The following PKP2 variants were observed in gnomAD, a reference collection of about 807,000 sequenced individuals.
PKP2 encodes the protein plakophilin 2.
In PKP2, 73 loss-of-function variants were observed where a neutral mutation model predicts 83.4. That is an observed-to-expected ratio of 0.88 (90% CI 0.72 to 1.06). The LOEUF (loss-of-function observed/expected upper bound fraction) is 1.06, where lower values mean the gene tolerates loss of function less well. PKP2 is among the 50% of genes least tolerant of loss of function. The pLI is 0.00. For synonymous variants in PKP2, 409 were observed against 430.4 expected (o/e 0.95, Z 0.62); for missense variants, 966 against 1,065.4 (o/e 0.91, Z 1.30).
intron 2 of PKP2, 21 bp from the exon 3 acceptor site, chr12:32,878,564 G>A (rs749394972): frequency 1.3e-6 from 2 of 1,584,176 alleles, no homozygotes; most frequent in Admixed American, 1.7e-5. Context: ...GAGAAATAAA[G>A]TTTAAAGGGG....
intron 3 of PKP2, among the ~76,000 whole-genome samples, chr12:32,871,040 ACTAT>A (rs1956892103): frequency 2.6e-5 from 4 of 152,084 alleles, no homozygotes; most frequent in Non-Finnish European, 1.5e-5. Flanking sequence ...TTTCTGTTTG[ACTAT>A]CTATCAAGTC....
At position 32,878,090 on chromosome 12, in the gene PKP2, C is replaced by A; in HGVS notation, c.790G>T (p.Ala264Ser). ...CTGACCTGCCCGACAGTGAGCCCTG[C>A]CGTCAGGTAGTTCTCCTTCTCCAAG... ...NLLEKENYLT[A>S]GLTVGQVRPL... The change falls in exon 3 of 13, where the codon GCA becomes TCA. Residue 264 changes from alanine to serine, a missense_variant. By Grantham distance (99) the Ala-to-Ser change is moderately conservative. Transcript: ENST00000340811. 1.2e-6 allele frequency: 2 copies of A among 1,614,176 alleles called. No individual in the cohort carries two copies. Among genetic ancestry groups the A allele is most frequent in the Non-Finnish European group, 1.7e-6 (2 of 1,180,046 alleles).
chr12:32,875,022 T>G lies in PKP2; in HGVS notation c.1034+2824A>C, dbSNP rs531756689. ...CCTGGGCCTCCCAAAGTGCTAGGAT[T>G]ACAGATGTGAGCCACTGTGCTGGCC... On this transcript the variant is annotated intron_variant, in intron 3 of 12. Coordinates refer to ENST00000340811, the MANE Select transcript of PKP2 (RefSeq NM_001005242.3). 1.1e-3 allele frequency among the ~76,000 whole-genome samples: 160 copies of G among 152,176 alleles called. 1 individual carries two copies. Among genetic ancestry groups the G allele is most frequent in the Non-Finnish European group, 2.1e-3 (143 of 68,038 alleles).
chr12:32,842,730 G>A (rs903434187), intron 5 of PKP2, among the ~76,000 whole-genome samples: 3 of 151,328 alleles, frequency 2.0e-5, no homozygotes, highest in African/African-American at 7.3e-5. Context: ...GCTGAAGTGC[G>A]GTGGCGCAAT....
rs1956059443 is a variant in PKP2, at chr12:32,790,872, T to G, written c.*1552A>C. The G allele has an allele frequency of 6.6e-6, 1 of 152,192 alleles. No homozygotes were observed. The highest frequency in any genetic ancestry group is 2.4e-5 in the African/African-American group (1 of 41,452). The allele number at this position is 152,192 out of a possible 1,614,324, so 9.4% of individuals were successfully genotyped here. A position where few individuals can be genotyped will look rare whatever the true frequency, so the allele number is the denominator to read the frequency against. ...CTCCAAATGCTTATCATCAGAACTCTGGAAAAAGACATATAAATTCTCTCC... is the reference window on the plus strand; with the variant it reads ...CTCCAAATGCTTATCATCAGAACTCGGGAAAAAGACATATAAATTCTCTCC... On this transcript the variant is annotated 3_prime_UTR_variant, in exon 13 of 13. Coordinates refer to ENST00000340811, the MANE Select transcript of PKP2 (RefSeq NM_001005242.3).
chr12:32,835,932 A>G (rs1956542471), intron 6 of PKP2, among the ~76,000 whole-genome samples: 1 of 152,164 alleles, frequency 6.6e-6, no homozygotes, highest in South Asian at 2.1e-4. Flanking sequence ...GGCACACACC[A>G]CCATGCCTGG....
intron 6 of PKP2, among the ~76,000 whole-genome samples, chr12:32,831,708 G>C (rs1447087920): frequency 6.6e-6 from 1 of 152,186 alleles, no homozygotes; most frequent in African/African-American, 2.4e-5. Flanking sequence ...CTTTAGCAAA[G>C]AGAAGTGTTA....
At chr12:32,862,293 T>C (rs1956806214) in intron 4 of PKP2, among the ~76,000 whole-genome samples, 2 of 152,162 alleles carry the variant, frequency 1.3e-5, no homozygotes, top group Non-Finnish European at 2.9e-5. Context: ...TTTTCAGACA[T>C]ACAGAAGCTG....
At chr12:32,882,226 A>G (rs1231123624) in intron 1 of PKP2, among the ~76,000 whole-genome samples, 1 of 152,218 alleles carries the variant, frequency 6.6e-6, no homozygotes, top group Non-Finnish European at 1.5e-5. Context: ...TGAAAACTGA[A>G]TTAGGAAAGT....
Position 32,878,328 on chromosome 12 carries a change from CCTG to C in PKP2, c.549_551del (p.Ser183del), listed in dbSNP as rs1358236902. On this transcript the variant is annotated inframe_deletion, in exon 3 of 13. Coordinates refer to ENST00000340811, the MANE Select transcript of PKP2 (RefSeq NM_001005242.3). The stretch of plus-strand genomic sequence containing the variant: ...TCGGTGGCACTAGGAGGGCGGCCCG[CCTG>C]CTTTCTTGGTGGTGCAGGGTGTGCC... 3.1e-6 allele frequency: 5 copies of C among 1,612,512 alleles called. No individual in the cohort carries two copies. The African/African-American group carries it at 4.0e-5, about 13-fold the overall frequency.
At chr12:32,878,838 A>T (rs543199983) in intron 2 of PKP2, 82 bp downstream of exon 2, 1 of 849,622 alleles carries the variant, frequency 1.2e-6, no homozygotes, top group East Asian at 2.4e-5. Context: ...AAAAGTAAAC[A>T]CTCAAAAATA....
At chr12:32,848,205 C>T (rs1302594201) in intron 5 of PKP2, among the ~76,000 whole-genome samples, 1 of 152,170 alleles carries the variant, frequency 6.6e-6, no homozygotes, top group Non-Finnish European at 1.5e-5. Flanking sequence ...GGCGGATCGC[C>T]TGAGGTCAGG....
chr12:32,794,683 T>C (rs56686514), intron 11 of PKP2, among the ~76,000 whole-genome samples: 2,331 of 152,334 alleles, frequency 0.015, 54 homozygotes, highest in African/African-American at 0.053. Flanking sequence ...GGATGACTAT[T>C]TGGAAGAAAA....
chr12:32,856,048 A>AC (rs1265918766), intron 4 of PKP2, among the ~76,000 whole-genome samples: 2 of 152,074 alleles, frequency 1.3e-5, no homozygotes, highest in African/African-American at 4.8e-5. Context: ...AGAGAACAAA[A>AC]CCAAAATGAT....
intron 1 of PKP2, among the ~76,000 whole-genome samples, chr12:32,882,340 G>C (rs1956993980): frequency 6.6e-6 from 1 of 151,992 alleles, no homozygotes; most frequent in Admixed American, 6.6e-5. Flanking sequence ...GATGAAAGCA[G>C]GCAATTTTAG....
chr12:32,849,412 T>G (rs1336843523), intron 5 of PKP2, among the ~76,000 whole-genome samples: 1 of 152,136 alleles, frequency 6.6e-6, no homozygotes, highest in Non-Finnish European at 1.5e-5. Context: ...AGAGACAGGG[T>G]CCCACTATGT....
chr12:32,852,490 A>G (rs886338304), intron 4 of PKP2, among the ~76,000 whole-genome samples: 1 of 152,214 alleles, frequency 6.6e-6, no homozygotes, highest in South Asian at 2.1e-4. Context: ...CACAACAATA[A>G]CAACCACAGT....
chr12:32,864,201 A>C (rs1327418903), intron 4 of PKP2, among the ~76,000 whole-genome samples: 6 of 151,924 alleles, frequency 3.9e-5, no homozygotes, highest in Admixed American at 2.6e-4. Flanking sequence ...TTTAAGGGTG[A>C]AAGAAAGACT....
chr12:32,833,591 G>A (rs74565170), intron 6 of PKP2, among the ~76,000 whole-genome samples: 1 of 151,988 alleles, frequency 6.6e-6, no homozygotes, highest in Non-Finnish European at 1.5e-5. Context: ...GATTTCCAGT[G>A]TAAGAGACAA....
Sources: allele counts gnomAD v4.1 joint callset (sites outside exome capture counted in the v4.1 genomes callset), GRCh38; gene constraint gnomAD v4.1.1; transcripts MANE v1.5; gene names NCBI Gene and HGNC (gene_info 2026-07-23, HGNC 2026-07-21).